AGBL1: variants seen among roughly 807,000 people sequenced by gnomAD.
AGBL1 encodes cytosolic carboxypeptidase 4.
In AGBL1, 130 loss-of-function variants were observed where a neutral mutation model predicts 118.9. The ratio of observed to expected loss-of-function variants is 1.09; its 90% CI spans 0.95 to 1.26. The LOEUF (loss-of-function observed/expected upper bound fraction) is 1.26, where lower values mean the gene tolerates loss of function less well. Ranked by LOEUF, AGBL1 falls within the 50% of genes most tolerant of loss-of-function variation. The probability of loss-of-function intolerance (pLI) is 0.00; values close to 1 mark genes in which losing one functional copy is unlikely to be tolerated. For synonymous variants in AGBL1, 555 were observed against 478.9 expected (o/e 1.16, Z -2.08); for missense variants, 1,584 against 1,298.1 (o/e 1.22, Z -3.38).
intron 22 of AGBL1, among the ~76,000 whole-genome samples, chr15:86,795,358 G>A (rs531401066): frequency 3.9e-5 from 6 of 152,172 alleles, no homozygotes; most frequent in Admixed American, 3.9e-4. Flanking sequence ...GAGGAGGACT[G>A]GAATTTTGTG....
At chr15:86,967,848 T>C (rs901185095) in intron 23 of AGBL1, among the ~76,000 whole-genome samples, 2 of 152,104 alleles carry the variant, frequency 1.3e-5, no homozygotes, top group Non-Finnish European at 2.9e-5. Context: ...AGTAGTTTTT[T>C]CCAATTCTGT....
At chr15:86,954,184 T>C (rs2080907497) in intron 23 of AGBL1, among the ~76,000 whole-genome samples, 2 of 152,214 alleles carry the variant, frequency 1.3e-5, no homozygotes, top group African/African-American at 4.8e-5. Context: ...GGAACACTTA[T>C]AAACTGTTGG....
chr15:86,556,118 C>A, intron 21 of AGBL1: 1 of 823,318 alleles, frequency 1.2e-6, no homozygotes, highest in South Asian at 1.9e-5. Context: ...ACGTAAGTAT[C>A]AGTGCCATTC....
chr15:86,622,932 C>T (rs778124204), intron 21 of AGBL1, among the ~76,000 whole-genome samples: 16 of 152,156 alleles, frequency 1.1e-4, no homozygotes, highest in Non-Finnish European at 2.2e-4. Flanking sequence ...AGTGACAGAT[C>T]ATCAAGCATT....
intron 8 of AGBL1, 74 bp from the exon 9 acceptor site, chr15:86,257,890 A>C: frequency 6.9e-7 from 1 of 1,441,724 alleles, no homozygotes; most frequent in Non-Finnish European, 9.6e-7. Flanking sequence ...GAACCACTGT[A>C]TGGTGAAAAT....
chr15:86,421,004 G>A (rs1298185182), intron 18 of AGBL1, among the ~76,000 whole-genome samples: 5 of 152,176 alleles, frequency 3.3e-5, no homozygotes, highest in African/African-American at 1.2e-4. Context: ...TGAAAGTGAC[G>A]GGGAGAATGG....
chr15:86,436,339 G>C (rs8036153), intron 18 of AGBL1, among the ~76,000 whole-genome samples: 25,631 of 151,594 alleles, frequency 0.17, 2,592 homozygotes, highest in African/African-American at 0.27. Context: ...AGAAGAGATT[G>C]AAAATAAATA....
At chr15:86,405,266 C>T (rs1052036262) in intron 18 of AGBL1, among the ~76,000 whole-genome samples, 2 of 151,698 alleles carry the variant, frequency 1.3e-5, no homozygotes, top group Admixed American at 1.3e-4. Flanking sequence ...AATCCCAGCA[C>T]TTTGGGAGGC....
At chr15:86,678,060 A>G (rs998675985) in intron 22 of AGBL1, among the ~76,000 whole-genome samples, 1 of 152,192 alleles carries the variant, frequency 6.6e-6, no homozygotes, top group Non-Finnish European at 1.5e-5. Flanking sequence ...CTTGCAGCCC[A>G]TATACATTGT....
At chr15:86,772,006 T>C (rs969368112) in intron 22 of AGBL1, among the ~76,000 whole-genome samples, 3 of 151,896 alleles carry the variant, frequency 2.0e-5, no homozygotes, top group African/African-American at 4.8e-5. Context: ...ATGTACATAT[T>C]TGATGGGGCA....
At chr15:86,985,885 G>A (rs2081276983) in intron 23 of AGBL1, among the ~76,000 whole-genome samples, 1 of 151,786 alleles carries the variant, frequency 6.6e-6, no homozygotes, top group Non-Finnish European at 1.5e-5. Context: ...TATGCAATGT[G>A]AATTGTCAAA....
At chr15:86,359,839 T>A (rs2080777052) in intron 17 of AGBL1, among the ~76,000 whole-genome samples, 1 of 151,868 alleles carries the variant, frequency 6.6e-6, no homozygotes, top group African/African-American at 2.4e-5. Flanking sequence ...GGTTCTTTCT[T>A]AATTTTCTTT....
At chr15:86,894,485 T>G (rs2080094808) in intron 22 of AGBL1, among the ~76,000 whole-genome samples, 1 of 152,166 alleles carries the variant, frequency 6.6e-6, no homozygotes, top group East Asian at 1.9e-4. Context: ...CTCTGGCATG[T>G]AGAATGCTGC....
At chr15:86,722,617 A>G (rs553431302) in intron 22 of AGBL1, among the ~76,000 whole-genome samples, 1 of 152,282 alleles carries the variant, frequency 6.6e-6, no homozygotes, top group Non-Finnish European at 1.5e-5. Context: ...CCTGTCTAAA[A>G]CACCAAAAGC....
chr15:86,872,810 A>G (rs995754861), intron 22 of AGBL1, among the ~76,000 whole-genome samples: 1 of 152,284 alleles, frequency 6.6e-6, no homozygotes, highest in African/African-American at 2.4e-5. Context: ...ATCCATAATG[A>G]TATGTTTAGC....
chr15:86,969,844 G>C (rs2081089760), intron 23 of AGBL1, among the ~76,000 whole-genome samples: 1 of 151,916 alleles, frequency 6.6e-6, no homozygotes, highest in Admixed American at 6.6e-5. Flanking sequence ...ACCAAATCAG[G>C]AGCTGGTCTA....
chr15:87,000,003 T>C (rs2081420127), intron 24 of AGBL1, among the ~76,000 whole-genome samples: 2 of 94,456 alleles, frequency 2.1e-5, no homozygotes, highest in South Asian at 9.1e-4. Flanking sequence ...TTTCATGTGT[T>C]TTTTGGCTGC....
intron 24 of AGBL1, among the ~76,000 whole-genome samples, chr15:87,000,889 C>A (rs1315810308): frequency 1.4e-5 from 2 of 145,038 alleles, no homozygotes; most frequent in Non-Finnish European, 3.0e-5. Context: ...TTGTTTGTAT[C>A]CTCTTTTATT....
intron 14 of AGBL1, 142 bp downstream of exon 14, chr15:86,270,209 G>A (rs941396141): frequency 8.7e-6 from 10 of 1,147,064 alleles, no homozygotes; most frequent in Non-Finnish European, 1.1e-5. Context: ...CAGCAAGGCA[G>A]GCAGTGGCCC....
Sources: allele counts gnomAD v4.1 joint callset (sites outside exome capture counted in the v4.1 genomes callset), GRCh38; gene constraint gnomAD v4.1.1; transcripts MANE v1.5; gene names NCBI Gene and HGNC (gene_info 2026-07-23, HGNC 2026-07-21).